The following ADCY8 variants were observed in gnomAD, a reference collection of about 807,000 sequenced individuals.
ADCY8 encodes adenylate cyclase type 8.
ADCY8 carries 51 observed loss-of-function variants against 119.7 expected under a neutral mutation model. The observed-to-expected ratio is 0.43, with a 90% confidence interval of 0.34 to 0.54. ADCY8 has a LOEUF of 0.54. Among genes scored for constraint, ADCY8 ranks in the 20% least tolerant of loss-of-function variants. The probability of loss-of-function intolerance (pLI) is 0.03; values close to 1 mark genes in which losing one functional copy is unlikely to be tolerated. For synonymous variants in ADCY8, 665 were observed against 651.0 expected (o/e 1.02, Z -0.33); for missense variants, 1,383 against 1,598.8 (o/e 0.87, Z 2.30).
At chr8:131,008,159 T>C (rs1424216937) in intron 1 of ADCY8, among the ~76,000 whole-genome samples, 1 of 152,168 alleles carries the variant, frequency 6.6e-6, no homozygotes, top group Non-Finnish European at 1.5e-5. Flanking sequence ...ATCCCCAGTT[T>C]ATATATGAGG....
At chr8:130,796,825 T>C (rs567626150) in intron 15 of ADCY8, among the ~76,000 whole-genome samples, 1 of 147,664 alleles carries the variant, frequency 6.8e-6, no homozygotes, top group Admixed American at 6.9e-5. Context: ...TTCCCTCTCC[T>C]CTCTCCCCTC....
At chr8:130,943,073 G>A (rs951762215) in intron 4 of ADCY8, among the ~76,000 whole-genome samples, 9 of 152,206 alleles carry the variant, frequency 5.9e-5, no homozygotes, top group African/African-American at 2.2e-4. Context: ...GGGAAGCAAT[G>A]ATAGGGGCGT....
intron 17 of ADCY8, among the ~76,000 whole-genome samples, chr8:130,783,460 G>A (rs1050254375): frequency 7.2e-5 from 11 of 152,238 alleles, no homozygotes; most frequent in Non-Finnish European, 1.6e-4. Flanking sequence ...AAGGCTGGCT[G>A]CTTTGTATTT....
intron 2 of ADCY8, among the ~76,000 whole-genome samples, chr8:130,955,636 G>A (rs1266105391): frequency 6.6e-6 from 1 of 152,158 alleles, no homozygotes; most frequent in Non-Finnish European, 1.5e-5. Flanking sequence ...GTCAAATGGT[G>A]CCAAAAATTG....
intron 1 of ADCY8, among the ~76,000 whole-genome samples, chr8:130,993,160 T>A (rs1822655202): frequency 6.6e-6 from 1 of 152,196 alleles, no homozygotes; most frequent in African/African-American, 2.4e-5. Flanking sequence ...CTTTGTTGTA[T>A]AAATGCCAGA....
chr8:130,790,164 TTTGAAC>T (rs1373595748), intron 15 of ADCY8, among the ~76,000 whole-genome samples: 1 of 152,154 alleles, frequency 6.6e-6, no homozygotes, highest in Non-Finnish European at 1.5e-5. Context: ...TTAATGTGGA[TTTGAAC>T]TTCTCTTCCA....
chr8:130,881,599 A>G (rs1818773298), intron 8 of ADCY8, among the ~76,000 whole-genome samples: 2 of 152,150 alleles, frequency 1.3e-5, no homozygotes, highest in Admixed American at 6.5e-5. Context: ...AAGGTAGGGC[A>G]GTGGGAAGAG....
intron 15 of ADCY8, among the ~76,000 whole-genome samples, chr8:130,799,392 C>T (rs1815691655): frequency 6.6e-6 from 1 of 152,074 alleles, no homozygotes; most frequent in African/African-American, 2.4e-5. Context: ...CATTTTGCAC[C>T]ATAAATATAT....
At chr8:131,016,831 A>C (rs1823489680) in intron 1 of ADCY8, among the ~76,000 whole-genome samples, 1 of 152,128 alleles carries the variant, frequency 6.6e-6, no homozygotes, top group South Asian at 2.1e-4. Flanking sequence ...AGCAGAGGAC[A>C]GGCCTGACTT....
intron 7 of ADCY8, among the ~76,000 whole-genome samples, chr8:130,886,924 C>A (rs2130470504): frequency 6.6e-6 from 1 of 151,752 alleles, no homozygotes; most frequent in East Asian, 1.9e-4. Context: ...TCAGTAGCAG[C>A]AGCAGCAGTA....
chr8:130,967,588 G>A (rs999707501), intron 2 of ADCY8, among the ~76,000 whole-genome samples: 1 of 152,124 alleles, frequency 6.6e-6, no homozygotes, highest in Non-Finnish European at 1.5e-5. Flanking sequence ...TCTTCCCAGT[G>A]CTCAACTCAC....
At chr8:130,882,349 C>T (rs1173174692) in intron 8 of ADCY8, among the ~76,000 whole-genome samples, 1 of 152,052 alleles carries the variant, frequency 6.6e-6, no homozygotes, top group East Asian at 1.9e-4. Flanking sequence ...TTCTGGAATC[C>T]TATGTATTTG....
intron 2 of ADCY8, among the ~76,000 whole-genome samples, chr8:130,983,531 C>T (rs949226609): frequency 5.9e-5 from 9 of 152,166 alleles, no homozygotes; most frequent in South Asian, 2.1e-4. Context: ...CATAGACGTG[C>T]GGGGCATCTT....
At chr8:130,781,579 G>A in intron 17 of ADCY8, among the ~76,000 whole-genome samples, 1 of 152,126 alleles carries the variant, frequency 6.6e-6, no homozygotes, top group East Asian at 1.9e-4. Context: ...TGATTTTCCA[G>A]CCTCATTTAT....
At chr8:130,884,061 C>A (rs1818884563) in intron 8 of ADCY8, among the ~76,000 whole-genome samples, 1 of 152,030 alleles carries the variant, frequency 6.6e-6, no homozygotes, top group Non-Finnish European at 1.5e-5. Context: ...CCATTTCTTT[C>A]TACTATGCCT....
chr8:130,888,841 G>A (rs916579260), intron 7 of ADCY8, among the ~76,000 whole-genome samples: 24 of 152,104 alleles, frequency 1.6e-4, no homozygotes, highest in African/African-American at 5.8e-4. Context: ...TACTTTTCTT[G>A]CAGATCCTAT....
intron 2 of ADCY8, among the ~76,000 whole-genome samples, chr8:130,984,375 A>G (rs1296551390): frequency 6.6e-6 from 1 of 152,176 alleles, no homozygotes; most frequent in Non-Finnish European, 1.5e-5. Flanking sequence ...AAACCAATGG[A>G]TTCCTGCCTC....
At chr8:131,038,894 T>A (rs773842811) in intron 1 of ADCY8, among the ~76,000 whole-genome samples, 19 of 152,212 alleles carry the variant, frequency 1.2e-4, no homozygotes, top group African/African-American at 4.6e-4. Context: ...TTAACAAATG[T>A]ATGTTCCTTT....
intron 2 of ADCY8, among the ~76,000 whole-genome samples, chr8:130,969,774 C>A (rs1821867898): frequency 6.6e-6 from 1 of 152,136 alleles, no homozygotes; most frequent in South Asian, 2.1e-4. Context: ...GAAGAGACTG[C>A]TTCTTATGCA....
Sources: gnomAD v4.1 joint callset for allele counts (sites outside exome capture counted in the v4.1 genomes callset) on GRCh38, gnomAD v4.1.1 for gene constraint, MANE v1.5 for transcripts, NCBI Gene and HGNC (gene_info 2026-07-23, HGNC 2026-07-21) for gene names.